PML: variants seen among roughly 807,000 people sequenced by gnomAD.
The protein encoded by PML is protein PML.
A neutral mutation model predicts 65.2 loss-of-function variants in PML; 28 were observed. The observed-to-expected ratio is 0.43, with a 90% CI of 0.32 to 0.59. The LOEUF (loss-of-function observed/expected upper bound fraction) is 0.59, where lower values mean the gene tolerates loss of function less well. PML is among the 20% of genes least tolerant of loss of function. PML has a pLI of 0.08. For missense variants in PML, 1,021 were observed against 1,203.4 expected (o/e 0.85, Z 2.24); for synonymous variants, 500 against 508.8 (o/e 0.98, Z 0.23).
rs766524275 is a variant in PML, at chr15:74,022,977, A to G, written c.752A>G (p.Asp251Gly). ...ATGACGCAGGCGCTGCAGGAGCAGG[A>G]TAGTGCCTTTGGCGCGGTTCACGCG... Reference protein sequence around the residue: ...DAMTQALQEQDSAFGAVHAQM... With the variant: ...DAMTQALQEQGSAFGAVHAQM... Residue 251 changes from aspartate (D) to glycine (G), a missense_variant, in exon 3 of 9, where the codon GAT becomes GGT. Physicochemically the swap from Asp to Gly is moderately conservative, Grantham distance 94 (BLOSUM62 -1). Coordinates refer to ENST00000268058, the MANE Select transcript of PML (RefSeq NM_033238.3). The G allele has an allele frequency of 6.2e-7, 1 of 1,610,542 alleles. No homozygotes were observed. Among genetic ancestry groups the G allele is most frequent in the African/African-American group, 1.3e-5 (1 of 74,858 alleles).
At chr15:74,010,990 T>C (rs1371239575) in intron 2 of PML, among the ~76,000 whole-genome samples, 1 of 152,212 alleles carries the variant, frequency 6.6e-6, no homozygotes, top group Non-Finnish European at 1.5e-5. Context: ...AAAGCTGGAT[T>C]GATGGCTGAT....
In PML at chr15:74,043,048, C is replaced by T. The variant is rs2071727532; in HGVS notation, c.1770C>T (p.Pro590=). Residue 590 remains proline (P), a synonymous_variant, in exon 8 of 9, where the codon CCC becomes CCT. Coordinates refer to ENST00000268058, the MANE Select transcript of PML (RefSeq NM_033238.3). The surrounding 1 kb of genome is among the most constrained non-coding windows in gnomAD (Gnocchi z 4.3). ...SESSDLQLEG[P]STLRVLDENL... ...CCAGTGACCTCCAGCTGGAAGGCCC[C>T]AGCACCCTCAGGGTCCTGGACGAGA... 2 of 1,613,394 alleles carry T rather than the reference C, an allele frequency of 1.2e-6. No individual in the cohort carries two copies. Among genetic ancestry groups the T allele is most frequent in the Admixed American group, 1.7e-5 (1 of 59,924 alleles).
At chr15:74,036,870 T>A (rs2071578918) in intron 7 of PML, 2 of 917,220 alleles carry the variant, frequency 2.2e-6, no homozygotes, top group Non-Finnish European at 2.6e-6. Flanking sequence ...CCGAGCACTG[T>A]CGGTCCCTCA....
At chr15:74,016,790 A>ATTTTTTTTTTTTTTTTT (rs1419052993) in intron 2 of PML, among the ~76,000 whole-genome samples, 1 of 64,470 alleles carries the variant, frequency 1.6e-5, no homozygotes, top group Non-Finnish European at 3.5e-5. Flanking sequence ...AGGCAGTGGC[A>ATTTTTTTTTTTTTTTTT]TCTTTTTTTT....
intron 2 of PML, among the ~76,000 whole-genome samples, chr15:74,021,454 G>A (rs929652683): frequency 2.6e-5 from 4 of 152,018 alleles, no homozygotes; most frequent in Middle Eastern, 3.4e-3. Flanking sequence ...GGGTGGTGGC[G>A]CATGCTTGTA....
intron 2 of PML, among the ~76,000 whole-genome samples, chr15:74,004,958 C>T (rs1279745536): frequency 1.3e-5 from 2 of 152,174 alleles, no homozygotes; most frequent in Admixed American, 6.5e-5. Flanking sequence ...GTGATCTGCC[C>T]GCCTTGGCCT....
intron 2 of PML, among the ~76,000 whole-genome samples, chr15:74,019,300 A>G (rs2070734220): frequency 6.6e-6 from 1 of 152,226 alleles, no homozygotes; most frequent in Admixed American, 6.5e-5. Flanking sequence ...CCCTGTCTCC[A>G]AGGAAGGGGA....
At position 74,035,812 on chromosome 15, in the gene PML, G is replaced by T; in HGVS notation, c.1710+1282G>T. 6.2e-7 allele frequency: 1 copy of T among 1,613,980 alleles called. No homozygotes were observed. Among genetic ancestry groups the T allele is most frequent in the Non-Finnish European group, 8.5e-7 (1 of 1,179,996 alleles). On this transcript the variant is annotated intron_variant, in intron 7 of 8. Coordinates refer to ENST00000268058, the MANE Select transcript of PML (RefSeq NM_033238.3). The surrounding 1 kb of genome is among the most constrained non-coding windows in gnomAD (Gnocchi z 4.1). ...ACTCTTGGAGCAGGTGTTCCCCCTGGGGACTCTGTCAGAGGCTCCATGGAG... is the reference window on the plus strand; with the variant it reads ...ACTCTTGGAGCAGGTGTTCCCCCTGTGGACTCTGTCAGAGGCTCCATGGAG...
Position 74,044,315 on chromosome 15 carries a change from C to G in PML, c.1956C>G (p.Ala652=). ...PEAFFSIYSK[A]VSLEVGLQHF... ...CCTTCTTCAGCATCTACTCCAAGGC[C>G]GTGTCCCTGGAGGTGGGGCTGCAGC... Residue 652 remains alanine (A), a synonymous_variant, in exon 9 of 9, where the codon GCC becomes GCG. Coordinates refer to ENST00000268058, the MANE Select transcript of PML (RefSeq NM_033238.3). The G allele has an allele frequency of 6.2e-7, 1 of 1,614,122 alleles. No homozygotes were observed. The highest frequency in any genetic ancestry group is 8.5e-7 in the Non-Finnish European group (1 of 1,180,016).
intron 7 of PML, among the ~76,000 whole-genome samples, chr15:74,040,541 C>T (rs965951951): frequency 2.6e-5 from 4 of 152,190 alleles, no homozygotes; most frequent in Non-Finnish European, 4.4e-5. Flanking sequence ...TGTTCTGCAC[C>T]AGGCCACTAT....
chr15:74,018,642 T>C (rs1028910591), intron 2 of PML, among the ~76,000 whole-genome samples: 5 of 152,156 alleles, frequency 3.3e-5, no homozygotes, highest in Non-Finnish European at 5.9e-5. Flanking sequence ...CAATCATGGC[T>C]TTGTAGAATT....
At chr15:74,016,877 A>C (rs1385829555) in intron 2 of PML, among the ~76,000 whole-genome samples, 2 of 134,830 alleles carry the variant, frequency 1.5e-5, no homozygotes, top group Admixed American at 1.7e-4. Context: ...GCTCACTGCA[A>C]GCTCCGCCTC....
chr15:74,025,023 CTGAG>C, intron 4 of PML, 96 bp downstream of exon 4: 1 of 816,162 alleles, frequency 1.2e-6, no homozygotes, highest in Non-Finnish European at 2.2e-6. Context: ...GGGAGAGCGT[CTGAG>C]TGAGGGACAG....
rs370446869 is a variant in PML, at chr15:74,035,930, C to T, written c.1710+1400C>T. The T allele has an allele frequency of 3.1e-6, 5 of 1,613,944 alleles. No homozygotes were observed. Among genetic ancestry groups the T allele is most frequent in the East Asian group, 2.2e-5 (1 of 44,872 alleles). On this transcript the variant is annotated intron_variant, in intron 7 of 8. Coordinates refer to ENST00000268058, the MANE Select transcript of PML (RefSeq NM_033238.3). This position sits in a 1 kb window ranked among gnomAD's most constrained non-coding sequence, Gnocchi z 4.1. ...GGCCCCCCATCAGCCCAGTCCCAGG[C>T]GCCCGTCAAGCAGGCCTCTGAGAGT...
At chr15:74,024,488 A>G (rs1053344958) in intron 3 of PML, among the ~76,000 whole-genome samples, 16 of 152,234 alleles carry the variant, frequency 1.1e-4, no homozygotes, top group African/African-American at 3.9e-4. Context: ...CAGGCTGCAG[A>G]TAAGGAAGAT....
intron 6 of PML, chr15:74,034,136 TG>T (rs1429545448): frequency 4.8e-6 from 2 of 419,722 alleles, no homozygotes; most frequent in East Asian, 9.8e-5. Context: ...GAGCTGAGAA[TG>T]GGGACAGTGT....
rs1234647358 is a variant in PML, at chr15:74,035,356, C to T, written c.1710+826C>T. On this transcript the variant is annotated intron_variant, in intron 7 of 8. Coordinates refer to ENST00000268058, the MANE Select transcript of PML (RefSeq NM_033238.3). The surrounding 1 kb of genome is among the most constrained non-coding windows in gnomAD (Gnocchi z 4.1). ...CCCCACCAGCCCGCTGAGCAGGCTG[C>T]CACCCCCGATGCTGAGCCTCACAGC... 2.5e-6 allele frequency: 4 copies of T among 1,611,886 alleles called. No individual in the cohort carries two copies. The East Asian group carries it at 8.9e-5, about 36-fold the overall frequency.
chr15:74,043,116 T>C lies in PML; in HGVS notation c.1838T>C (p.Phe613Ser). 1 of 1,613,664 alleles carries C rather than the reference T, an allele frequency of 6.2e-7. No individual in the cohort carries two copies. Among genetic ancestry groups the C allele is most frequent in the Non-Finnish European group, 8.5e-7 (1 of 1,179,966 alleles). The part of the protein sequence containing the change: ...PQAEDRPLVF[F>S]DLKIDNETQK... ...GCAGAAGACAGACCTCTGGTTTTCT[T>C]TGACCTCAAGATTGACAATGAAAGT... The change falls in exon 8 of 9, where the codon TTT (phenylalanine) becomes TCT (serine). Residue 613 changes from phenylalanine to serine, a missense_variant. By Grantham distance (155) the Phe-to-Ser change is radical. Transcript: ENST00000268058. This position sits in a 1 kb window ranked among gnomAD's most constrained non-coding sequence, Gnocchi z 4.3.
At chr15:74,033,580 GAC>G (rs753246322) in intron 6 of PML, 166 bp downstream of exon 6, 30 of 788,014 alleles carry the variant, frequency 3.8e-5, no homozygotes, top group African/African-American at 6.8e-5. Flanking sequence ...GGTGAGAGTG[GAC>G]ACAGTTTACC....
Sources: gnomAD v4.1 joint callset for allele counts (sites outside exome capture counted in the v4.1 genomes callset) on GRCh38, gnomAD v4.1.1 for gene constraint, Gnocchi (gnomAD v3.1) non-coding constraint, MANE v1.5 for transcripts, NCBI Gene and HGNC (gene_info 2026-07-23, HGNC 2026-07-21) for gene names.